PRAMEF4: variants seen among roughly 807,000 people sequenced by gnomAD.
PRAMEF4 encodes the protein PRAME family member 4.
A neutral mutation model predicts 34.4 loss-of-function variants in PRAMEF4; 18 were observed. The ratio of observed to expected loss-of-function variants is 0.52; its 90% CI spans 0.36 to 0.78. The LOEUF (loss-of-function observed/expected upper bound fraction) is 0.78. Ranked by LOEUF, PRAMEF4 falls within the 30% of genes least tolerant of loss-of-function variation. PRAMEF4 has a pLI of 0.00. For missense variants in PRAMEF4, 482 were observed against 569.1 expected (o/e 0.85, Z 1.56); for synonymous variants, 156 against 219.3 (o/e 0.71, Z 2.55).
At chr1:12,881,512 T>C (rs1287649989) in intron 3 of PRAMEF4, among the ~76,000 whole-genome samples, 1 of 148,634 alleles carries the variant, frequency 6.7e-6, no homozygotes, top group Non-Finnish European at 1.5e-5. Context: ...ATTACAGGCA[T>C]GAGCCACCGC....
At position 12,884,873 on chromosome 1, in the gene PRAMEF4, A is replaced by G. The variant is rs954731324; in HGVS notation, c.-17+1274T>C. On this transcript the variant is annotated intron_variant, in intron 1 of 3. Coordinates refer to ENST00000235349, the MANE Select transcript of PRAMEF4 (RefSeq NM_001009611.4). Reference sequence around the variant, plus strand: ...GTGAAAGTCCAGGACTCATTCACTGATTCCCTTCACAAACATGGAGTTTTA... The same window carrying G: ...GTGAAAGTCCAGGACTCATTCACTGGTTCCCTTCACAAACATGGAGTTTTA... 1.9e-3 allele frequency among the ~76,000 whole-genome samples: 286 copies of G among 150,218 alleles called. 22 individuals are homozygous for G. Among genetic ancestry groups the G allele is most frequent in the Admixed American group, 0.015 (214 of 14,714 alleles).
intron 3 of PRAMEF4, among the ~76,000 whole-genome samples, chr1:12,881,104 G>T (rs867581178): frequency 3.4e-3 from 490 of 143,116 alleles, no homozygotes; most frequent in East Asian, 0.017. Flanking sequence ...GGTAGCTCTC[G>T]CCTATAATCC....
chr1:12,885,477 A>G (rs1640984464), intron 1 of PRAMEF4, among the ~76,000 whole-genome samples: 2 of 149,492 alleles, frequency 1.3e-5, no homozygotes, highest in South Asian at 4.2e-4. Flanking sequence ...CTCCCACACC[A>G]GCCACCCAAA....
intron 3 of PRAMEF4, among the ~76,000 whole-genome samples, chr1:12,881,529 C>A (rs201143701): frequency 1.4e-5 from 2 of 144,912 alleles, no homozygotes; most frequent in Admixed American, 7.1e-5. Flanking sequence ...CCGCCCCTGG[C>A]GTATTTTTCA....
intron 3 of PRAMEF4, among the ~76,000 whole-genome samples, chr1:12,880,616 A>G (rs1378465205): frequency 6.7e-6 from 1 of 149,112 alleles, no homozygotes; most frequent in African/African-American, 2.5e-5. Flanking sequence ...TTTGAGGCTG[A>G]GTCACTTCAC....
intron 1 of PRAMEF4, among the ~76,000 whole-genome samples, chr1:12,885,834 C>A (rs1640992586): frequency 7.0e-6 from 1 of 142,078 alleles, no homozygotes; most frequent in African/African-American, 2.7e-5. Context: ...GTCATGTTGT[C>A]CAGGTTGGTC....
rs1640893183 is a variant in PRAMEF4, at chr1:12,881,756, T to C, written c.875+98A>G. On this transcript the variant is annotated intron_variant, in intron 3 of 3. Transcript: ENST00000235349. ...GGACATTCTAGTGTCCCCTTCACTGTTTCATCCTCATAGGCTGGCTCACAG... is the reference window on the plus strand; with the variant it reads ...GGACATTCTAGTGTCCCCTTCACTGCTTCATCCTCATAGGCTGGCTCACAG... The C allele has an allele frequency of 2.6e-6, 4 of 1,551,554 alleles. No individual in the cohort carries two copies. In the Admixed American group the frequency reaches 7.2e-5, roughly 28 times the overall value.
intron 2 of PRAMEF4, among the ~76,000 whole-genome samples, chr1:12,882,748 G>C (rs1408221928): frequency 1.4e-5 from 2 of 147,968 alleles, no homozygotes; most frequent in Non-Finnish European, 3.0e-5. Context: ...CCACCACCAT[G>C]CCCAGCTAAT....
At chr1:12,883,537 A>T in intron 1 of PRAMEF4, 127 bp from the exon 2 acceptor site, 7 of 1,265,668 alleles carry the variant, frequency 5.5e-6, no homozygotes, top group Non-Finnish European at 7.7e-6. Flanking sequence ...CTCCAATTCT[A>T]CTCTGTACTC....
At position 12,879,834 on chromosome 1, in the gene PRAMEF4, T is replaced by G. The variant is rs74842149; in HGVS notation, c.1147A>C (p.Asn383His). 168,931 of 1,598,596 alleles carry G rather than the reference T, an allele frequency of 0.11. 18,879 individuals are homozygous for G. Among genetic ancestry groups the G allele is most frequent in the Middle Eastern group, 0.18 (805 of 4,558 alleles). Residue 383 changes from asparagine to histidine, a missense_variant, in exon 4 of 4, where the codon AAC (asparagine) becomes CAC (histidine). Asn to His is a moderately conservative substitution (Grantham distance 68). This residue lies in a region of PRAMEF4 where 116 missense variants were observed against 105.2 expected (regional missense o/e 1.10). Transcript: ENST00000235349. ...LPALSRCFEL[N>H]TFSFCGNPIC... ...GGATTTCCACAGAAGCTGAAGGTGTTGAGCTCAAAGCAGCGGCTCAGGGCA... is the reference window on the plus strand; with the variant it reads ...GGATTTCCACAGAAGCTGAAGGTGTGGAGCTCAAAGCAGCGGCTCAGGGCA...
In PRAMEF4 at chr1:12,882,030, C is replaced by T; in HGVS notation, c.699G>A (p.Met233Ile). 6.3e-7 allele frequency: 1 copy of T among 1,590,770 alleles called. No homozygotes were observed. Among genetic ancestry groups the T allele is most frequent in the Non-Finnish European group, 8.5e-7 (1 of 1,173,400 alleles). Residue 233 changes from methionine to isoleucine, a missense_variant, in exon 3 of 4, where the codon ATG (methionine) becomes ATA (isoleucine). Physicochemically the swap from Met to Ile is conservative, Grantham distance 10. Transcript: ENST00000235349. The stretch of plus-strand genomic sequence containing the variant: ...AGAGAATGAGTTTCTGAAGATTCCT[C>T]ATGTGGCCCAGGTATGGGGTAAACT... ...LTQFTPYLGH[M>I]RNLQKLILSH...
In PRAMEF4 at chr1:12,885,676, G is replaced by A. The variant is rs1457649825; in HGVS notation, c.-17+471C>T. On this transcript the variant is annotated intron_variant, in intron 1 of 3. Transcript: ENST00000235349. ...GATGTCTGTGACACCAGCTTCTGAG[G>A]ATGGAGACTGAGGCATGAGAATTGC... Among the ~76,000 whole-genome samples the A allele has an allele frequency of 2.0e-5, 3 of 146,358 alleles. 1 individual carries two copies. Among genetic ancestry groups the A allele is most frequent in the African/African-American group, 7.7e-5 (3 of 38,858 alleles).
At chr1:12,886,027 T>TTAA (rs1191433969) in intron 1 of PRAMEF4, 120 bp downstream of exon 1, 1 of 83,958 alleles carries the variant, frequency 1.2e-5, no homozygotes, top group Non-Finnish European at 2.2e-5. Context: ...ATTGTTCATA[T>TTAA]AAAAAAAAAA....
chr1:12,884,737 C>G (rs77606371), intron 1 of PRAMEF4, among the ~76,000 whole-genome samples: 1 of 148,706 alleles, frequency 6.7e-6, no homozygotes, highest in Non-Finnish European at 1.5e-5. Flanking sequence ...CTACATTTGA[C>G]TAGACTTCTT....
At chr1:12,886,114 A>C (rs546421362) in intron 1 of PRAMEF4, 33 bp downstream of exon 1, 2 of 137,186 alleles carry the variant, frequency 1.5e-5, no homozygotes, top group South Asian at 4.9e-4. Context: ...TGTAGGTCAG[A>C]TGGGAGTGTC....
chr1:12,883,400 T>G lies in PRAMEF4; in HGVS notation c.-6A>C. 6.2e-7 allele frequency: 1 copy of G among 1,601,626 alleles called. No individual in the cohort carries two copies. The highest frequency in any genetic ancestry group is 8.5e-7 in the Non-Finnish European group (1 of 1,174,406). On this transcript the variant is annotated 5_prime_UTR_variant, in exon 2 of 4. Transcript: ENST00000235349. ...GTCCAGATGCTCATCTTCATGAATCTGCAGGGAAAACTTCCAGAGGACAAA... is the reference window on the plus strand; with the variant it reads ...GTCCAGATGCTCATCTTCATGAATCGGCAGGGAAAACTTCCAGAGGACAAA...
intron 1 of PRAMEF4, among the ~76,000 whole-genome samples, chr1:12,883,972 C>G (rs1476084603): frequency 1.4e-5 from 2 of 142,458 alleles, no homozygotes; most frequent in African/African-American, 5.2e-5. Context: ...TCTTCTTTCC[C>G]TGCCTCCCTT....
rs1251094266 is a variant in PRAMEF4, at chr1:12,882,570, T to C, written c.294-135A>G. On this transcript the variant is annotated intron_variant, in intron 2 of 3. Coordinates refer to ENST00000235349, the MANE Select transcript of PRAMEF4 (RefSeq NM_001009611.4). ...ACTTTTCTTCACTCTGTTTTCCCCTTGGATCCTGCCCACTTCCACATTGTT... is the reference window on the plus strand; with the variant it reads ...ACTTTTCTTCACTCTGTTTTCCCCTCGGATCCTGCCCACTTCCACATTGTT... The C allele has an allele frequency of 1.5e-5, 19 of 1,276,766 alleles. 2 individuals carry two copies. Among genetic ancestry groups the C allele is most frequent in the Non-Finnish European group, 1.9e-5 (18 of 934,872 alleles). The allele number at this position is 1,276,766 out of a possible 1,614,324, so 79.1% of individuals were successfully genotyped here.
At chr1:12,884,940 G>C (rs555466874) in intron 1 of PRAMEF4, among the ~76,000 whole-genome samples, 3 of 150,288 alleles carry the variant, frequency 2.0e-5, no homozygotes, top group Non-Finnish European at 3.0e-5. Context: ...AGACAGGGAA[G>C]GGTTGAATCT....
Sources: allele counts gnomAD v4.1 joint callset (sites outside exome capture counted in the v4.1 genomes callset), GRCh38; gene constraint gnomAD v4.1.1; regional missense constraint gnomAD v4.1.1; transcripts MANE v1.5; gene names NCBI Gene and HGNC (gene_info 2026-07-23, HGNC 2026-07-21).